The following ECT2L variants were observed in gnomAD, a reference collection of about 807,000 sequenced individuals.
The protein encoded by ECT2L is epithelial cell-transforming sequence 2 oncogene-like.
ECT2L carries 126 observed loss-of-function variants against 122.8 expected under a neutral mutation model. The observed-to-expected ratio is 1.03, with a 90% CI of 0.89 to 1.19. The LOEUF is 1.19. Ranked by LOEUF, ECT2L falls within the 50% of genes most tolerant of loss-of-function variation. ECT2L has a pLI of 0.00. For missense variants in ECT2L, 1,012 were observed against 1,064.1 expected (o/e 0.95, Z 0.68); for synonymous variants, 385 against 381.8 (o/e 1.01, Z -0.10).
At chr6:138,834,539 T>A (rs759328185) in intron 4 of ECT2L, among the ~76,000 whole-genome samples, 1 of 152,150 alleles carries the variant, frequency 6.6e-6, no homozygotes, top group Non-Finnish European at 1.5e-5. Context: ...GTAGTAGACA[T>A]GAAAATCTAA....
intron 11 of ECT2L, among the ~76,000 whole-genome samples, chr6:138,864,007 A>C (rs1324044678): frequency 1.1e-4 from 15 of 137,502 alleles, no homozygotes; most frequent in African/African-American, 4.3e-4. Context: ...GTATTTAAAA[A>C]AAAAAAAAAA....
chr6:138,861,511 G>A (rs987822261), intron 10 of ECT2L, among the ~76,000 whole-genome samples: 2 of 152,172 alleles, frequency 1.3e-5, no homozygotes, highest in East Asian at 1.9e-4. Flanking sequence ...TGTGTTTGAC[G>A]GCCGCATAAA....
intron 1 of ECT2L, among the ~76,000 whole-genome samples, chr6:138,798,290 AG>A: frequency 6.6e-6 from 1 of 152,310 alleles, no homozygotes; most frequent in African/African-American, 2.4e-5. Flanking sequence ...TGGAGCTGAA[AG>A]TTCCAGCTGC....
intron 9 of ECT2L, 113 bp downstream of exon 9, chr6:138,849,547 T>A: frequency 8.3e-7 from 1 of 1,212,068 alleles, no homozygotes; most frequent in Non-Finnish European, 1.1e-6. Context: ...ACGTGTTGAT[T>A]TTTTGGCTTT....
At chr6:138,838,954 G>T in intron 5 of ECT2L, among the ~76,000 whole-genome samples, 1 of 152,014 alleles carries the variant, frequency 6.6e-6, no homozygotes, top group East Asian at 1.9e-4. Flanking sequence ...GCTAATTTTT[G>T]TATTTTTAGT....
chr6:138,822,633 C>T, intron 4 of ECT2L: 1 of 838,912 alleles, frequency 1.2e-6, no homozygotes, highest in Admixed American at 3.0e-5. Context: ...AATAAAAACA[C>T]AAAACAGCTG....
chr6:138,863,999 A>AT (rs1424122734), intron 11 of ECT2L, among the ~76,000 whole-genome samples: 2 of 64,274 alleles, frequency 3.1e-5, no homozygotes, highest in Admixed American at 2.5e-4. Context: ...CATTCTCCGT[A>AT]TTTAAAAAAA....
At chr6:138,895,011 C>A (rs990088028) in intron 20 of ECT2L, among the ~76,000 whole-genome samples, 3 of 152,018 alleles carry the variant, frequency 2.0e-5, no homozygotes, top group African/African-American at 7.3e-5. Context: ...GTAATCCCAG[C>A]ACTTTGGGAA....
At chr6:138,833,489 T>C (rs1397917848) in intron 4 of ECT2L, among the ~76,000 whole-genome samples, 1 of 152,168 alleles carries the variant, frequency 6.6e-6, no homozygotes, top group African/African-American at 2.4e-5. Flanking sequence ...TTGTCTTCCT[T>C]TTCATGCAAC....
chr6:138,876,405 C>A, intron 13 of ECT2L, 67 bp from the exon 14 acceptor site: 1 of 1,100,918 alleles, frequency 9.1e-7, no homozygotes, highest in Non-Finnish European at 1.4e-6. Flanking sequence ...CTCCTGCGGG[C>A]ACAGTACTGA....
intron 4 of ECT2L, among the ~76,000 whole-genome samples, chr6:138,833,045 G>C (rs183466175): frequency 5.9e-5 from 9 of 152,072 alleles, no homozygotes; most frequent in African/African-American, 1.7e-4. Context: ...AGAAAAGGAG[G>C]AACTGTCAAA....
At chr6:138,892,676 T>G (rs1779070356) in intron 20 of ECT2L, among the ~76,000 whole-genome samples, 2 of 152,082 alleles carry the variant, frequency 1.3e-5, no homozygotes, top group Non-Finnish European at 1.5e-5. Context: ...GTATTTTTAG[T>G]AGAGATGGGA....
intron 1 of ECT2L, among the ~76,000 whole-genome samples, chr6:138,810,408 C>G (rs1466764029): frequency 6.6e-6 from 1 of 152,190 alleles, no homozygotes; most frequent in Non-Finnish European, 1.5e-5. Context: ...AAAAACATCT[C>G]AGGGAAGAAA....
intron 14 of ECT2L, among the ~76,000 whole-genome samples, chr6:138,878,658 G>A (rs1319524192): frequency 6.6e-6 from 1 of 151,780 alleles, no homozygotes; most frequent in Non-Finnish European, 1.5e-5. Context: ...TGTTGGTCAG[G>A]CTGGTCTCGA....
rs1380112100 is a variant in ECT2L at position 138,799,447 on chromosome 6, G to C, written c.-244+3255G>C. ...TTTTTTTGCATTTTTAGTAGAGACG[G>C]GGTTTCACTGTGTTAGCCAGGATGG... On this transcript the variant is annotated intron_variant, in intron 1 of 21. Transcript: ENST00000541398. Among the ~76,000 whole-genome samples the C allele has an allele frequency of 3.3e-5, 5 of 152,004 alleles. No individual in the cohort carries two copies. In the East Asian group the frequency reaches 9.6e-4, roughly 29 times the overall value.
At chr6:138,893,569 C>T (rs1490503597) in intron 20 of ECT2L, among the ~76,000 whole-genome samples, 2 of 151,834 alleles carry the variant, frequency 1.3e-5, no homozygotes, top group South Asian at 2.1e-4. Context: ...TACAGGTGCA[C>T]GCTGTTACTG....
At chr6:138,870,917 G>C (rs574163424) in intron 13 of ECT2L, among the ~76,000 whole-genome samples, 30 of 152,244 alleles carry the variant, frequency 2.0e-4, no homozygotes, top group African/African-American at 6.5e-4. Flanking sequence ...TGAGGCAGGA[G>C]AATCACTTGA....
intron 11 of ECT2L, among the ~76,000 whole-genome samples, chr6:138,863,522 T>G (rs1408114435): frequency 6.6e-6 from 1 of 152,158 alleles, no homozygotes; most frequent in Non-Finnish European, 1.5e-5. Context: ...CACCAAACGG[T>G]AGCACATTTG....
At chr6:138,898,213 G>A (rs1189731107) in intron 20 of ECT2L, among the ~76,000 whole-genome samples, 1 of 152,054 alleles carries the variant, frequency 6.6e-6, no homozygotes. Context: ...CTCATCCTTA[G>A]TTCTATTCAT....
Sources: allele counts gnomAD v4.1 joint callset (sites outside exome capture counted in the v4.1 genomes callset), GRCh38; gene constraint gnomAD v4.1.1; transcripts MANE v1.5; gene names NCBI Gene and HGNC (gene_info 2026-07-23, HGNC 2026-07-21).